HYCC1: variants seen among roughly 807,000 people sequenced by gnomAD.
HYCC1 encodes the protein hyccin PI4KA lipid kinase complex subunit 1, also known as hyccin.
the HYCC1 span, among the ~76,000 whole-genome samples, chr7:22,965,260 C>A: frequency 2.0e-3 from 302 of 151,902 alleles, 2 homozygotes; most frequent in African/African-American, 6.4e-3. Context: ...CAAAAAAATT[C>A]TATAAATTAG....
the HYCC1 span, among the ~76,000 whole-genome samples, chr7:22,930,513 C>T: frequency 6.6e-6 from 1 of 151,720 alleles, no homozygotes; most frequent in Non-Finnish European, 1.5e-5. Flanking sequence ...GGTTGAAGGC[C>T]TAGTGGTTTC....
the HYCC1 span, chr7:22,977,463 T>A: frequency 8.7e-7 from 1 of 1,144,378 alleles, no homozygotes; most frequent in Non-Finnish European, 1.3e-6. Context: ...CATACTTTCT[T>A]ACACACAAAT....
the HYCC1 span, among the ~76,000 whole-genome samples, chr7:22,950,653 C>A: frequency 1.3e-5 from 2 of 151,750 alleles, no homozygotes; most frequent in African/African-American, 4.8e-5. Context: ...GTGAAGGAGC[C>A]GTCTCTAAAT....
the HYCC1 span, among the ~76,000 whole-genome samples, chr7:22,949,600 T>C: frequency 6.6e-6 from 1 of 151,966 alleles, no homozygotes; most frequent in African/African-American, 2.4e-5. Context: ...TTTAATTGGG[T>C]CAATTTTTTA....
chr7:22,942,795 A>C, the HYCC1 span: 6 of 152,306 alleles, frequency 3.9e-5, no homozygotes, highest in Non-Finnish European at 7.4e-5. Flanking sequence ...AGTGGGGAGA[A>C]AGTAGTATGG....
the HYCC1 span, among the ~76,000 whole-genome samples, chr7:22,986,773 G>A: frequency 3.3e-5 from 5 of 152,140 alleles, no homozygotes; most frequent in Non-Finnish European, 7.4e-5. Flanking sequence ...GCTTGAACCC[G>A]GGAGGCAGAG....
the HYCC1 span, chr7:22,960,491 A>G: frequency 3.4e-6 from 4 of 1,190,674 alleles, no homozygotes; most frequent in Non-Finnish European, 5.0e-6. Context: ...TCGATAAAAC[A>G]TGATGCTAAA....
chr7:23,000,942 G>C, the HYCC1 span, among the ~76,000 whole-genome samples: 69 of 151,094 alleles, frequency 4.6e-4, no homozygotes, highest in Non-Finnish European at 6.9e-4. Flanking sequence ...TTTATCAAAG[G>C]ACTTTTCAGA....
chr7:22,908,170 A>G, the HYCC1 span, among the ~76,000 whole-genome samples: 18 of 152,252 alleles, frequency 1.2e-4, no homozygotes, highest in African/African-American at 4.1e-4. Context: ...GATGAAAAAT[A>G]GGGAAATGCA....
the HYCC1 span, among the ~76,000 whole-genome samples, chr7:22,984,415 T>G: frequency 6.6e-6 from 1 of 152,022 alleles, no homozygotes; most frequent in African/African-American, 2.4e-5. Context: ...TGATCATAGT[T>G]TGGGATTAGA....
the HYCC1 span, among the ~76,000 whole-genome samples, chr7:22,946,431 C>T: frequency 2.0e-5 from 3 of 151,990 alleles, no homozygotes; most frequent in African/African-American, 7.2e-5. Flanking sequence ...AGAAAGAATT[C>T]TCCTATTCAT....
chr7:22,982,505 T>C, the HYCC1 span, among the ~76,000 whole-genome samples: 1 of 152,174 alleles, frequency 6.6e-6, no homozygotes, highest in Non-Finnish European at 1.5e-5. Flanking sequence ...CATAGATCCA[T>C]ATTGGACTGG....
At chr7:22,965,660 C>T in the HYCC1 span, among the ~76,000 whole-genome samples, 1 of 151,420 alleles carries the variant, frequency 6.6e-6, no homozygotes. Flanking sequence ...CAAGGTCTTG[C>T]TGTGTGCCTA....
the HYCC1 span, among the ~76,000 whole-genome samples, chr7:22,924,678 G>A: frequency 6.6e-6 from 1 of 152,226 alleles, no homozygotes; most frequent in African/African-American, 2.4e-5. Flanking sequence ...TAAACAAAGT[G>A]GCTGGGAAGC....
the HYCC1 span, chr7:22,990,965 C>T: frequency 3.8e-6 from 3 of 794,142 alleles, no homozygotes; most frequent in Admixed American, 3.7e-5. Context: ...AGATATTTAG[C>T]CTTTCAGTCA....
chr7:22,994,898 G>A, the HYCC1 span, among the ~76,000 whole-genome samples: 3 of 152,044 alleles, frequency 2.0e-5, no homozygotes, highest in Non-Finnish European at 4.4e-5. Context: ...ATAACTCTTT[G>A]TACATCTTCT....
the HYCC1 span, among the ~76,000 whole-genome samples, chr7:22,980,116 C>A: frequency 6.6e-6 from 1 of 152,206 alleles, no homozygotes; most frequent in African/African-American, 2.4e-5. Flanking sequence ...ATTTTGACTT[C>A]TTTACCAACA....
At chr7:22,927,017 G>C in the HYCC1 span, among the ~76,000 whole-genome samples, 1 of 152,156 alleles carries the variant, frequency 6.6e-6, no homozygotes, top group Non-Finnish European at 1.5e-5. Context: ...TAGAACTCAG[G>C]ATTAAGAAAC....
chr7:23,002,761 T>C, the HYCC1 span, among the ~76,000 whole-genome samples: 1 of 152,156 alleles, frequency 6.6e-6, no homozygotes, highest in African/African-American at 2.4e-5. Flanking sequence ...CTATATTTGT[T>C]TGCTAGGGCT....
Sources: gnomAD v4.1 joint callset for allele counts (sites outside exome capture counted in the v4.1 genomes callset) on GRCh38, gnomAD v4.1.1 for gene constraint, MANE v1.5 for transcripts, NCBI Gene and HGNC (gene_info 2026-07-23, HGNC 2026-07-21) for gene names.